ARPC5: variants seen among roughly 807,000 people sequenced by gnomAD.
The protein encoded by ARPC5 is actin related protein 2/3 complex subunit 5.
ARPC5 carries 5 observed loss-of-function variants against 15.4 expected under a neutral mutation model. That is an observed-to-expected ratio of 0.32 (90% confidence interval 0.17 to 0.68). The LOEUF is 0.68. Ranked by LOEUF, ARPC5 falls within the 30% of genes least tolerant of loss-of-function variation. The pLI is 0.71. For synonymous variants in ARPC5, 85 were observed against 72.2 expected (o/e 1.18, Z -0.90); for missense variants, 138 against 192.8 (o/e 0.72, Z 1.68).
rs538324125 is a variant in ARPC5 at position 183,625,177 on chromosome 1, A to G, written c.*2355T>C. 1 of 152,208 alleles carries G rather than the reference A, an allele frequency of 6.6e-6. No homozygotes were observed. Among genetic ancestry groups the G allele is most frequent in the East Asian group, 1.9e-4 (1 of 5,176 alleles). The allele number at this position is 152,208 out of a possible 1,614,324, so 9.4% of individuals were successfully genotyped here. A position where few individuals can be genotyped will look rare whatever the true frequency, so the allele number is the denominator to read the frequency against. ...AAAGTGTCCTATGGCATTTATATAT[A>G]TTTTTTCCGCAATTAATCCTATTCC... On this transcript the variant is annotated 3_prime_UTR_variant, in exon 4 of 4. Transcript: ENST00000359856.
intron 1 of ARPC5, 97 bp downstream of exon 1, chr1:183,635,420 C>G: frequency 7.1e-7 from 1 of 1,406,298 alleles, no homozygotes; most frequent in Non-Finnish European, 9.4e-7. Flanking sequence ...AGGGCAGCTC[C>G]GCGCCGGTGC....
Position 183,626,447 on chromosome 1 carries a change from T to C in ARPC5, c.*1085A>G, listed in dbSNP as rs572675978. Reference sequence around the variant, plus strand: ...ACTTTTTATAAGCACCGGTCATTTTTTGAGAACTGATTTGGTTTGTCCAAC... The same window carrying C: ...ACTTTTTATAAGCACCGGTCATTTTCTGAGAACTGATTTGGTTTGTCCAAC... On this transcript the variant is annotated 3_prime_UTR_variant, in exon 4 of 4. Coordinates refer to ENST00000359856, the MANE Select transcript of ARPC5 (RefSeq NM_005717.4). 6.6e-6 allele frequency: 1 copy of C among 152,666 alleles called. No homozygotes were observed. The highest frequency in any genetic ancestry group is 1.9e-4 in the East Asian group (1 of 5,192). 9.5% of individuals were successfully genotyped at this position (152,666 alleles called of 1,614,324 possible). A position where few individuals can be genotyped will look rare whatever the true frequency, so the allele number is the denominator to read the frequency against.
intron 1 of ARPC5, among the ~76,000 whole-genome samples, chr1:183,634,985 C>T (rs1649413277): frequency 6.6e-6 from 1 of 150,856 alleles, no homozygotes; most frequent in South Asian, 2.1e-4. Flanking sequence ...ACAGTCCCAT[C>T]TCCCCCCGCC....
At position 183,623,153 on chromosome 1, in the gene ARPC5, A is replaced by C; in HGVS notation, c.*4379T>G. The C allele has an allele frequency of 2.3e-6, 1 of 442,632 alleles. No homozygotes were observed. Among genetic ancestry groups the C allele is most frequent in the African/African-American group, 2.0e-5 (1 of 50,272 alleles). 27.4% of individuals were successfully genotyped at this position (442,632 alleles called of 1,614,324 possible). On this transcript the variant is annotated 3_prime_UTR_variant, in exon 4 of 4. Transcript: ENST00000359856. ...GGAGCTAACTGCTAGGCTGGAAAAT[A>C]CGGGAGTTTTAGAATGCTTTGGAAT...
chr1:183,635,378 T>A, intron 1 of ARPC5, 139 bp downstream of exon 1: 1 of 1,045,254 alleles, frequency 9.6e-7, no homozygotes, highest in Admixed American at 3.3e-5. Context: ...GAGCGGGCGA[T>A]CCCAAAGAGA....
At chr1:183,628,697 T>C (rs889761760) in intron 3 of ARPC5, among the ~76,000 whole-genome samples, 6 of 152,160 alleles carry the variant, frequency 3.9e-5, no homozygotes, top group Non-Finnish European at 5.9e-5. Flanking sequence ...TAAGGCTTCA[T>C]GGAGGAAATG....
At position 183,625,744 on chromosome 1, in the gene ARPC5, C is replaced by T. The variant is rs1649078289; in HGVS notation, c.*1788G>A. 2 of 152,176 alleles carry T rather than the reference C, an allele frequency of 1.3e-5. No homozygotes were observed. The highest frequency in any genetic ancestry group is 4.8e-5 in the African/African-American group (2 of 41,446). 9.4% of individuals were successfully genotyped at this position (152,176 alleles called of 1,614,324 possible). On this transcript the variant is annotated 3_prime_UTR_variant, in exon 4 of 4. Transcript: ENST00000359856. ...TAATATTTAAGAATAATACCTATTG[C>T]TTAGCTTATCTTCACCCATAGGACC...
chr1:183,624,022 C>CA lies in ARPC5; in HGVS notation c.*3509dup, dbSNP rs56772636. On this transcript the variant is annotated 3_prime_UTR_variant, in exon 4 of 4. Transcript: ENST00000359856. Reference sequence around the variant, plus strand: ...TGAGCAACAGAGCAAGACTCCATCTCAAAAAAAAAAAATTAATTAATTAAT... The same window carrying CA: ...TGAGCAACAGAGCAAGACTCCATCTCAAAAAAAAAAAAATTAATTAATTAAT... 2,864 of 148,242 alleles carry CA rather than the reference C, an allele frequency of 0.019. 86 individuals carry two copies. Among genetic ancestry groups the CA allele is most frequent in the African/African-American group, 0.066 (2,682 of 40,394 alleles). The allele number at this position is 148,242 out of a possible 1,614,324, so 9.2% of individuals were successfully genotyped here.
intron 2 of ARPC5, chr1:183,631,798 T>C: frequency 6.6e-6 from 1 of 152,224 alleles, no homozygotes; most frequent in Non-Finnish European, 1.5e-5. Context: ...CTTTTTTCTT[T>C]GGCAAAAGCC....
intron 3 of ARPC5, 175 bp downstream of exon 3, chr1:183,630,286 A>C (rs1649224382): frequency 2.2e-6 from 1 of 446,438 alleles, no homozygotes; most frequent in Non-Finnish European, 3.8e-6. Flanking sequence ...TTGGAATCAG[A>C]ATCTCTTAAG....
rs6424898 is a variant in ARPC5, at chr1:183,626,910, G to A, written c.*622C>T. ...CCTGGGTGACCACAAATAAATTGAG[G>A]GGCCATGATTATTGGATGCTGAGAG... On this transcript the variant is annotated 3_prime_UTR_variant, in exon 4 of 4. Transcript: ENST00000359856. The A allele has an allele frequency of 0.079, 12,015 of 152,274 alleles. 919 individuals are homozygous for A. The highest frequency in any genetic ancestry group is 0.2 in the African/African-American group (8,272 of 41,424). The allele number at this position is 152,274 out of a possible 1,614,324, so 9.4% of individuals were successfully genotyped here. A position where few individuals can be genotyped will look rare whatever the true frequency, so the allele number is the denominator to read the frequency against.
intron 1 of ARPC5, among the ~76,000 whole-genome samples, chr1:183,634,902 CTTCTTCTTCTT>C (rs1469309857): frequency 0.013 from 1,721 of 129,928 alleles, 37 homozygotes; most frequent in African/African-American, 0.054. Context: ...GCCAAATCCC[CTTCTTCTTCTT>C]CTTTTTTTTT....
chr1:183,620,908 A>G lies in ARPC5; in HGVS notation c.*6624T>C, dbSNP rs927049545. 1.3e-5 allele frequency: 2 copies of G among 152,142 alleles called. No homozygotes were observed. Among genetic ancestry groups the G allele is most frequent in the Non-Finnish European group, 2.9e-5 (2 of 68,024 alleles). 9.4% of individuals were successfully genotyped at this position (152,142 alleles called of 1,614,324 possible). A position where few individuals can be genotyped will look rare whatever the true frequency, so the allele number is the denominator to read the frequency against. On this transcript the variant is annotated 3_prime_UTR_variant, in exon 4 of 4. Coordinates refer to ENST00000359856, the MANE Select transcript of ARPC5 (RefSeq NM_005717.4). ...TATTATAAAGCGAAACTCAAAATGC[A>G]AGAAATATTTGACATTCCTGTTGAA...
rs1648996645 is a variant in ARPC5 at position 183,623,584 on chromosome 1, C to T, written c.*3948G>A. On this transcript the variant is annotated 3_prime_UTR_variant, in exon 4 of 4. Transcript: ENST00000359856. The stretch of plus-strand genomic sequence containing the variant: ...GCGGCAGGAATATGGACAGAAGCAG[C>T]CTTGTTTAAGGGCACTTGGTTCTAC... 2.0e-6 allele frequency: 3 copies of T among 1,482,130 alleles called. No homozygotes were observed. Among genetic ancestry groups the T allele is most frequent in the Admixed American group, 3.9e-5 (2 of 50,806 alleles). 91.8% of individuals were successfully genotyped at this position (1,482,130 alleles called of 1,614,324 possible).
At position 183,623,393 on chromosome 1, in the gene ARPC5, C is replaced by G; in HGVS notation, c.*4139G>C. 1 of 1,550,006 alleles carries G rather than the reference C, an allele frequency of 6.5e-7. No individual in the cohort carries two copies. Among genetic ancestry groups the G allele is most frequent in the Non-Finnish European group, 8.7e-7 (1 of 1,146,476 alleles). ...GGATCATCAATGTGGTGAAGTAGCA[C>G]CACCTTGAGGCAGATGACATGCTGT... On this transcript the variant is annotated 3_prime_UTR_variant, in exon 4 of 4. Transcript: ENST00000359856.
At position 183,623,581 on chromosome 1, in the gene ARPC5, C is replaced by G; in HGVS notation, c.*3951G>C. The G allele has an allele frequency of 6.7e-7, 1 of 1,490,406 alleles. No homozygotes were observed. Among genetic ancestry groups the G allele is most frequent in the Non-Finnish European group, 9.1e-7 (1 of 1,094,458 alleles). 92.3% of individuals were successfully genotyped at this position (1,490,406 alleles called of 1,614,324 possible). A position where few individuals can be genotyped will look rare whatever the true frequency, so the allele number is the denominator to read the frequency against. On this transcript the variant is annotated 3_prime_UTR_variant, in exon 4 of 4. Transcript: ENST00000359856. ...CCCGCGGCAGGAATATGGACAGAAG[C>G]AGCCTTGTTTAAGGGCACTTGGTTC...
intron 3 of ARPC5, 37 bp from the exon 4 acceptor site, chr1:183,627,631 A>C: frequency 5.3e-6 from 8 of 1,520,480 alleles, no homozygotes; most frequent in Non-Finnish European, 7.3e-6. Context: ...TGACAGAATA[A>C]TAAAAGGTCA....
chr1:183,631,251 AT>A (rs1438656540), intron 2 of ARPC5: 1 of 151,486 alleles, frequency 6.6e-6, no homozygotes, highest in Non-Finnish European at 1.5e-5. Flanking sequence ...TTAAAACAAC[AT>A]TTAAATTTAT....
rs1233760343 is a variant in ARPC5, at chr1:183,621,327, T to C, written c.*6205A>G. 1.3e-5 allele frequency: 2 copies of C among 152,246 alleles called. No individual in the cohort carries two copies. The highest frequency in any genetic ancestry group is 2.4e-5 in the African/African-American group (1 of 41,462). 9.4% of individuals were successfully genotyped at this position (152,246 alleles called of 1,614,324 possible). On this transcript the variant is annotated 3_prime_UTR_variant, in exon 4 of 4. Coordinates refer to ENST00000359856, the MANE Select transcript of ARPC5 (RefSeq NM_005717.4). ...GAACATATGTAAAATGACTTGTGTATAATGCTATTCACTGTAGCACTGTTT... is the reference window on the plus strand; with the variant it reads ...GAACATATGTAAAATGACTTGTGTACAATGCTATTCACTGTAGCACTGTTT...
Sources: allele counts gnomAD v4.1 joint callset (sites outside exome capture counted in the v4.1 genomes callset), GRCh38; gene constraint gnomAD v4.1.1; transcripts MANE v1.5; gene names NCBI Gene and HGNC (gene_info 2026-07-23, HGNC 2026-07-21).